LINGO1: variants seen among roughly 807,000 people sequenced by gnomAD.
The protein encoded by LINGO1 is leucine-rich repeat and immunoglobulin-like domain-containing nogo receptor-interacting protein 1.
A neutral mutation model predicts 37.3 loss-of-function variants in LINGO1; 11 were observed. The ratio of observed to expected loss-of-function variants is 0.29; its 90% CI spans 0.19 to 0.49. LINGO1 has a LOEUF of 0.49. Among genes scored for constraint, LINGO1 ranks in the 20% least tolerant of loss-of-function variants. The probability of loss-of-function intolerance (pLI) is 0.99; values close to 1 mark genes in which losing one functional copy is unlikely to be tolerated. For missense variants in LINGO1, 585 were observed against 878.2 expected (o/e 0.67, Z 4.22); for synonymous variants, 387 against 403.0 (o/e 0.96, Z 0.48).
intron 1 of LINGO1, among the ~76,000 whole-genome samples, chr15:77,748,342 T>G (rs1400360855): frequency 3.3e-5 from 5 of 152,258 alleles, no homozygotes; most frequent in Non-Finnish European, 5.9e-5. Context: ...ATTCTAATCA[T>G]GTCCCTCAAT....
chr15:77,622,809 A>G (rs1291211394), intron 1 of LINGO1, among the ~76,000 whole-genome samples: 1 of 152,152 alleles, frequency 6.6e-6, no homozygotes, highest in African/African-American at 2.4e-5. Flanking sequence ...TCCCATGCCT[A>G]GAGGCCTCCT....
intron 2 of LINGO1, among the ~76,000 whole-genome samples, chr15:77,681,063 C>T (rs1322409285): frequency 1.3e-5 from 2 of 152,118 alleles, no homozygotes; most frequent in African/African-American, 4.8e-5. Flanking sequence ...CAGTGGAATC[C>T]ACCCACCAAG....
chr15:77,614,273 C>T lies in LINGO1; in HGVS notation c.1634G>A (p.Arg545His), dbSNP rs373538560. ...QPGEGEANST[R>H]ATVPFPFDIK... ...GTCGAAGGGGAAAGGCACAGTGGCG[C>T]GGGTGCTGTTGGCCTCTCCCTCGCC... The change falls in exon 2 of 2, where the codon CGC becomes CAC. Residue 545 changes from arginine (R) to histidine (H), a missense_variant. Transcript: ENST00000355300. The T allele has an allele frequency of 2.5e-5, 41 of 1,614,014 alleles. 1 individual carries two copies. The highest frequency in any genetic ancestry group is 2.2e-4 in the South Asian group (20 of 91,090).
chr15:77,666,183 A>G (rs551039751), intron 3 of LINGO1, among the ~76,000 whole-genome samples: 1 of 152,370 alleles, frequency 6.6e-6, no homozygotes, highest in East Asian at 1.9e-4. Flanking sequence ...AGTCCTGTCT[A>G]TGAGCTGAGA....
intron 1 of LINGO1, among the ~76,000 whole-genome samples, chr15:77,695,285 T>C (rs902286898): frequency 6.6e-6 from 1 of 150,574 alleles, no homozygotes; most frequent in South Asian, 2.2e-4. Context: ...GCAGATGGGG[T>C]GGGCAGGGGG....
intron 1 of LINGO1, among the ~76,000 whole-genome samples, chr15:77,756,326 C>T (rs1368243598): frequency 6.6e-6 from 1 of 152,216 alleles, no homozygotes; most frequent in Non-Finnish European, 1.5e-5. Context: ...AAAGCTCGGA[C>T]ATTTTGACAC....
chr15:77,789,639 A>G (rs1216553260), upstream of LINGO1, among the ~76,000 whole-genome samples: 1 of 152,192 alleles, frequency 6.6e-6, no homozygotes, highest in African/African-American at 2.4e-5. Flanking sequence ...ATAGTTAAAT[A>G]TTGTATGGAG....
At chr15:77,676,785 G>A (rs2075334847) in intron 3 of LINGO1, among the ~76,000 whole-genome samples, 1 of 152,232 alleles carries the variant, frequency 6.6e-6, no homozygotes, top group African/African-American at 2.4e-5. Flanking sequence ...AGTGAGCATA[G>A]GACAGCAACG....
intron 1 of LINGO1, among the ~76,000 whole-genome samples, chr15:77,805,161 C>A (rs1380917213): frequency 6.6e-6 from 1 of 152,230 alleles, no homozygotes; most frequent in Non-Finnish European, 1.5e-5. Flanking sequence ...ATCCCCTAAT[C>A]CTGCCAGAAA....
intron 1 of LINGO1, among the ~76,000 whole-genome samples, chr15:77,754,591 A>G (rs1168244001): frequency 6.6e-6 from 1 of 152,346 alleles, no homozygotes; most frequent in Admixed American, 6.5e-5. Flanking sequence ...AACTCAGCAC[A>G]GCTGCCTCTG....
chr15:77,722,268 CCTCTGGGCTGGA>C (rs1485370384), intron 2 of LINGO1, among the ~76,000 whole-genome samples: 4 of 152,192 alleles, frequency 2.6e-5, no homozygotes, highest in African/African-American at 4.8e-5. Context: ...CCTGGCTGAG[CCTCTGGGCTGGA>C]CTCTGGGTTT....
At chr15:77,775,192 A>G (rs2076625132) in intron 1 of LINGO1, among the ~76,000 whole-genome samples, 2 of 151,972 alleles carry the variant, frequency 1.3e-5, no homozygotes, top group African/African-American at 4.8e-5. Context: ...CTCCTTGGCC[A>G]TGGCCTTCAA....
At chr15:77,661,786 C>A (rs1173555625) in intron 3 of LINGO1, among the ~76,000 whole-genome samples, 2 of 152,246 alleles carry the variant, frequency 1.3e-5, no homozygotes, top group African/African-American at 4.8e-5. Flanking sequence ...GCATGGCCCA[C>A]ATCTCACACA....
chr15:77,782,212 TAC>T (rs56734688), intron 1 of LINGO1, among the ~76,000 whole-genome samples: 29,515 of 149,962 alleles, frequency 0.2, 2,905 homozygotes, highest in Admixed American at 0.31. Flanking sequence ...TGCGCACGCG[TAC>T]ACACACACAC....
intron 2 of LINGO1, among the ~76,000 whole-genome samples, chr15:77,686,281 C>G (rs910773070): frequency 8.5e-5 from 13 of 152,164 alleles, no homozygotes; most frequent in African/African-American, 3.1e-4. Flanking sequence ...GCCCTGGATG[C>G]CAGGCTGACT....
intron 2 of LINGO1, among the ~76,000 whole-genome samples, chr15:77,683,658 A>G (rs1333085772): frequency 1.3e-5 from 2 of 152,184 alleles, no homozygotes; most frequent in African/African-American, 4.8e-5. Context: ...AGCAATACAC[A>G]ATAAATATGT....
intron 1 of LINGO1, among the ~76,000 whole-genome samples, chr15:77,778,925 T>C (rs1045468051): frequency 3.9e-5 from 6 of 152,148 alleles, no homozygotes; most frequent in Non-Finnish European, 5.9e-5. Context: ...TCTGGACCCA[T>C]CTGCTCCTTG....
At chr15:77,706,435 CCT>C (rs2075853449) in intron 2 of LINGO1, among the ~76,000 whole-genome samples, 1 of 152,178 alleles carries the variant, frequency 6.6e-6, no homozygotes, top group South Asian at 2.1e-4. Context: ...CCAGCAACTT[CCT>C]CTTTCTCTTA....
intron 1 of LINGO1, among the ~76,000 whole-genome samples, chr15:77,622,100 G>C (rs1161470494): frequency 1.3e-5 from 2 of 152,216 alleles, no homozygotes; most frequent in Admixed American, 6.5e-5. Context: ...AGGAGAGAGG[G>C]AGCGGGGAGG....
Sources: allele counts gnomAD v4.1 joint callset (sites outside exome capture counted in the v4.1 genomes callset), GRCh38; gene constraint gnomAD v4.1.1; transcripts MANE v1.5; gene names NCBI Gene and HGNC (gene_info 2026-07-23, HGNC 2026-07-21).